LMCD1: variants seen among roughly 807,000 people sequenced by gnomAD.
The protein encoded by LMCD1 is LIM and cysteine-rich domains protein 1.
A neutral mutation model predicts 42.7 loss-of-function variants in LMCD1; 32 were observed. The ratio of observed to expected loss-of-function variants is 0.75; its 90% CI spans 0.57 to 1.01. LMCD1 has a LOEUF of 1.01. LMCD1 is among the 50% of genes least tolerant of loss of function. The pLI, the probability that LMCD1 is intolerant of heterozygous loss-of-function variation, is 0.00. For missense variants in LMCD1, 458 were observed against 483.1 expected (o/e 0.95, Z 0.49); for synonymous variants, 178 against 184.9 (o/e 0.96, Z 0.30).
intron 3 of LMCD1, among the ~76,000 whole-genome samples, chr3:8,539,270 T>C (rs1694571725): frequency 6.6e-6 from 1 of 152,216 alleles, no homozygotes; most frequent in Admixed American, 6.5e-5. Flanking sequence ...ATTTTTTTCT[T>C]AATCTGTACT....
At chr3:8,530,012 G>A (rs1307067880) in intron 1 of LMCD1, among the ~76,000 whole-genome samples, 2 of 152,170 alleles carry the variant, frequency 1.3e-5, no homozygotes, top group Admixed American at 1.3e-4. Context: ...TACAGTGGAG[G>A]AAAGGGGAAA....
chr3:8,562,524 G>C (rs1321044306), intron 4 of LMCD1, among the ~76,000 whole-genome samples: 3 of 152,144 alleles, frequency 2.0e-5, no homozygotes, highest in Non-Finnish European at 2.9e-5. Flanking sequence ...GTCTCCTTGG[G>C]CCTCGCTGGT....
At chr3:8,507,206 A>G (rs961557364) in intron 1 of LMCD1, among the ~76,000 whole-genome samples, 18 of 152,256 alleles carry the variant, frequency 1.2e-4, no homozygotes, top group Non-Finnish European at 2.2e-4. Flanking sequence ...GGATGTTTAC[A>G]TATAGCAATA....
chr3:8,548,967 GC>G, intron 4 of LMCD1, 64 bp downstream of exon 4: 1 of 1,254,286 alleles, frequency 8.0e-7, no homozygotes, highest in Non-Finnish European at 1.1e-6. Flanking sequence ...GACAGTCAGG[GC>G]CCCATCACGG....
intron 4 of LMCD1, 78 bp from the exon 5 acceptor site, chr3:8,565,354 C>A: frequency 7.8e-7 from 1 of 1,288,946 alleles, no homozygotes; most frequent in Non-Finnish European, 1.1e-6. Context: ...AGTAGAAAGG[C>A]TGGAGCTGGA....
Position 8,537,479 on chromosome 3 carries a change from C to A in LMCD1, c.387+39C>A, listed in dbSNP as rs769047923. ...CCCAACCAAGCAGTTGTTTTCCTAT[C>A]CTCATAAATACTAGCCATGTCAAGT... On this transcript the variant is annotated intron_variant, in intron 3 of 5. Transcript: ENST00000157600. 6.0e-5 allele frequency: 91 copies of A among 1,520,000 alleles called. No homozygotes were observed. The South Asian group carries it at 9.1e-4, about 15-fold the overall frequency. The allele number at this position is 1,520,000 out of a possible 1,614,324, so 94.2% of individuals were successfully genotyped here.
intron 1 of LMCD1, among the ~76,000 whole-genome samples, chr3:8,526,883 G>A (rs995755297): frequency 1.3e-5 from 2 of 152,164 alleles, no homozygotes; most frequent in South Asian, 2.1e-4. Context: ...CTAAAGAGTC[G>A]GCAGGTTTTA....
At chr3:8,530,423 A>T (rs574708948) in intron 1 of LMCD1, among the ~76,000 whole-genome samples, 35 of 152,306 alleles carry the variant, frequency 2.3e-4, no homozygotes, top group African/African-American at 8.4e-4. Context: ...TGCTACCTAC[A>T]TCACTATTCT....
At chr3:8,503,593 T>C (rs1270114413) in intron 1 of LMCD1, among the ~76,000 whole-genome samples, 2 of 152,220 alleles carry the variant, frequency 1.3e-5, no homozygotes, top group Non-Finnish European at 2.9e-5. Context: ...TGTTCATCCC[T>C]GTTTGAACAT....
intron 4 of LMCD1, among the ~76,000 whole-genome samples, chr3:8,563,434 G>A (rs1259259143): frequency 6.6e-6 from 1 of 152,266 alleles, no homozygotes; most frequent in Non-Finnish European, 1.5e-5. Flanking sequence ...AACTATTGAT[G>A]GGGAATTTAT....
chr3:8,548,944 A>G, intron 4 of LMCD1, 41 bp downstream of exon 4: 5 of 1,427,372 alleles, frequency 3.5e-6, no homozygotes, highest in Non-Finnish European at 4.7e-6. Context: ...GAAACCATGC[A>G]GGCCCAGGGC....
At chr3:8,528,621 G>T (rs974628333) in intron 1 of LMCD1, among the ~76,000 whole-genome samples, 1 of 152,206 alleles carries the variant, frequency 6.6e-6, no homozygotes, top group South Asian at 2.1e-4. Context: ...AGGCAATTGA[G>T]TTACTCCATG....
intron 3 of LMCD1, among the ~76,000 whole-genome samples, chr3:8,543,956 A>G (rs998220974): frequency 6.6e-6 from 1 of 152,232 alleles, no homozygotes; most frequent in African/African-American, 2.4e-5. Flanking sequence ...GAAAACTACC[A>G]GATACCCCAG....
At chr3:8,514,968 A>G (rs1163650722) in intron 1 of LMCD1, 3 of 456,652 alleles carry the variant, frequency 6.6e-6, no homozygotes, top group Non-Finnish European at 1.3e-5. Context: ...TCGAGCGAAT[A>G]CTGGAGATTG....
At chr3:8,519,940 G>C (rs1242717731) in intron 1 of LMCD1, among the ~76,000 whole-genome samples, 1 of 152,038 alleles carries the variant, frequency 6.6e-6, no homozygotes, top group African/African-American at 2.4e-5. Flanking sequence ...GTGTGTGTGT[G>C]TGTGTCAATG....
chr3:8,552,312 T>G (rs1694855015), intron 4 of LMCD1, among the ~76,000 whole-genome samples: 1 of 152,184 alleles, frequency 6.6e-6, no homozygotes, highest in Non-Finnish European at 1.5e-5. Flanking sequence ...AGCTTATTCC[T>G]GGGAGAGCTA....
chr3:8,550,155 G>A (rs1694815522), intron 4 of LMCD1: 1 of 1,340,510 alleles, frequency 7.5e-7, no homozygotes, highest in African/African-American at 1.5e-5. Flanking sequence ...AAGCCTCATG[G>A]CTTGGTTTGT....
chr3:8,528,585 G>A (rs1694345020), intron 1 of LMCD1, among the ~76,000 whole-genome samples: 1 of 152,110 alleles, frequency 6.6e-6, no homozygotes, highest in Non-Finnish European at 1.5e-5. Flanking sequence ...ACAAAGAAAG[G>A]GCAGGGATAA....
At chr3:8,513,152 C>T (rs182917067) in intron 1 of LMCD1, among the ~76,000 whole-genome samples, 1 of 152,256 alleles carries the variant, frequency 6.6e-6, no homozygotes, top group Non-Finnish European at 1.5e-5. Context: ...TTCTTTATTT[C>T]CTTGGCAGAT....
Sources: allele counts gnomAD v4.1 joint callset (sites outside exome capture counted in the v4.1 genomes callset), GRCh38; gene constraint gnomAD v4.1.1; transcripts MANE v1.5; gene names NCBI Gene and HGNC (gene_info 2026-07-23, HGNC 2026-07-21).